ENOX1: variants seen among roughly 807,000 people sequenced by gnomAD.
The protein encoded by ENOX1 is candidate growth-related and time keeping constitutive hydroquinone (NADH) oxidase.
Under a neutral mutation model 82.5 loss-of-function variants are expected in ENOX1, and 42 were observed. The observed-to-expected ratio is 0.51, with a 90% CI of 0.40 to 0.66. The LOEUF is 0.66. Ranked by LOEUF, ENOX1 falls within the 30% of genes least tolerant of loss-of-function variation. The probability of loss-of-function intolerance (pLI) is 0.00; values close to 1 mark genes in which losing one functional copy is unlikely to be tolerated. For missense variants in ENOX1, 608 were observed against 811.6 expected, an observed-to-expected ratio of 0.75 and a Z score of 3.05; for synonymous variants, 271 against 282.2, an observed-to-expected ratio of 0.96 and a Z score of 0.40.
chr13:43,486,988 C>T (rs2076447148), intron 2 of ENOX1, among the ~76,000 whole-genome samples: 1 of 152,110 alleles, frequency 6.6e-6, no homozygotes, highest in African/African-American at 2.4e-5. Flanking sequence ...GCCTGGCCAA[C>T]ATGATGAAAC....
At chr13:43,341,388 G>A (rs1390745043) in intron 9 of ENOX1, among the ~76,000 whole-genome samples, 2 of 152,024 alleles carry the variant, frequency 1.3e-5, no homozygotes, top group East Asian at 3.9e-4. Flanking sequence ...CTTGATCCAA[G>A]ACCTATAGGA....
chr13:43,598,193 T>C (rs577154792), intron 2 of ENOX1, among the ~76,000 whole-genome samples: 2 of 131,680 alleles, frequency 1.5e-5, no homozygotes, highest in South Asian at 2.5e-4. Context: ...CACTACAAAA[T>C]AGGCCTTTAA....
intron 10 of ENOX1, among the ~76,000 whole-genome samples, chr13:43,323,993 G>A (rs150613371): frequency 0.011 from 1,644 of 152,326 alleles, 13 homozygotes; most frequent in Non-Finnish European, 0.017. Context: ...GGTCCGAGGT[G>A]GGGTGCAGGG....
chr13:43,307,170 C>CTG (rs2046916416), intron 11 of ENOX1, among the ~76,000 whole-genome samples: 3 of 151,994 alleles, frequency 2.0e-5, no homozygotes, highest in African/African-American at 2.4e-5. Flanking sequence ...CTCCTCCTCC[C>CTG]CACTGTTCTC....
chr13:43,387,601 A>G (rs1015006363), intron 5 of ENOX1, among the ~76,000 whole-genome samples: 1 of 151,984 alleles, frequency 6.6e-6, no homozygotes, highest in African/African-American at 2.4e-5. Context: ...CAGTCATTTA[A>G]AAGTGTTGAA....
intron 1 of ENOX1, among the ~76,000 whole-genome samples, chr13:43,704,441 T>C (rs1281658943): frequency 6.6e-6 from 1 of 151,552 alleles, no homozygotes; most frequent in Non-Finnish European, 1.5e-5. Flanking sequence ...GGAAACCAAA[T>C]GAAGAAGGAA....
chr13:43,742,257 G>A (rs1278559256), intron 1 of ENOX1, among the ~76,000 whole-genome samples: 1 of 152,030 alleles, frequency 6.6e-6, no homozygotes, highest in Non-Finnish European at 1.5e-5. Flanking sequence ...TCGACATGCT[G>A]GTCAGGAAAA....
At chr13:43,705,330 C>CTCTCTCTATATA (rs141765196) in intron 1 of ENOX1, among the ~76,000 whole-genome samples, 45 of 129,850 alleles carry the variant, frequency 3.5e-4, no homozygotes, top group African/African-American at 1.2e-3. Flanking sequence ...CTCTCTCTCT[C>CTCTCTCTATATA]TATATATATA....
rs2045952718 is a variant in ENOX1 at position 43,290,715 on chromosome 13, TG to T, written c.1446+7630del. On this transcript the variant is annotated intron_variant, in intron 12 of 16. Transcript: ENST00000690772. ...TATTCCCATGTAACAAATCTGCACA[TG>T]TACCCTCTGTATCTAAAATAGAAGT... is the stretch of plus-strand genomic sequence containing the variant. Among the ~76,000 whole-genome samples, 3 of 152,298 alleles carry T rather than the reference TG, an allele frequency of 2.0e-5. No homozygotes were observed. The South Asian group carries it at 6.2e-4, about 32-fold the overall frequency.
chr13:43,478,036 T>C (rs865997115), intron 3 of ENOX1, among the ~76,000 whole-genome samples: 9 of 147,224 alleles, frequency 6.1e-5, no homozygotes, highest in African/African-American at 2.2e-4. Flanking sequence ...TTAGGATTAA[T>C]GGCAAGGAGC....
chr13:43,348,168 G>GT (rs2049521525), intron 8 of ENOX1, among the ~76,000 whole-genome samples: 1 of 152,176 alleles, frequency 6.6e-6, no homozygotes, highest in Non-Finnish European at 1.5e-5. Context: ...AAGATTCAGC[G>GT]TAAGTGCCCT....
At chr13:43,713,504 G>A (rs940197525) in intron 1 of ENOX1, among the ~76,000 whole-genome samples, 1 of 152,042 alleles carries the variant, frequency 6.6e-6, no homozygotes, top group Non-Finnish European at 1.5e-5. Flanking sequence ...GTTCCTCCTT[G>A]TACCTCTGGT....
At chr13:43,502,405 T>C (rs1207388540) in intron 2 of ENOX1, among the ~76,000 whole-genome samples, 1 of 151,534 alleles carries the variant, frequency 6.6e-6, no homozygotes, top group African/African-American at 2.4e-5. Context: ...AAAGATTCCA[T>C]GAGAAAAGAA....
chr13:43,258,522 C>T (rs2043878269), intron 14 of ENOX1, among the ~76,000 whole-genome samples: 1 of 152,108 alleles, frequency 6.6e-6, no homozygotes, highest in African/African-American at 2.4e-5. Flanking sequence ...GGGAGAAGAG[C>T]AAGTTCTGGG....
chr13:43,759,097 CTTT>C (rs3044251), intron 1 of ENOX1, among the ~76,000 whole-genome samples: 4 of 122,444 alleles, frequency 3.3e-5, no homozygotes, highest in Admixed American at 9.1e-5. Flanking sequence ...TGATAAGTTT[CTTT>C]TTTTTTTTTT....
intron 9 of ENOX1, among the ~76,000 whole-genome samples, chr13:43,341,475 T>A (rs2049056425): frequency 6.6e-6 from 1 of 151,452 alleles, no homozygotes; most frequent in African/African-American, 2.4e-5. Flanking sequence ...AGCCGAGTGG[T>A]GGAAGGTGGT....
chr13:43,330,465 T>C (rs2048354423), intron 9 of ENOX1, among the ~76,000 whole-genome samples: 1 of 152,178 alleles, frequency 6.6e-6, no homozygotes, highest in African/African-American at 2.4e-5. Context: ...TAAAGGGAAT[T>C]TTTTTTCTTT....
In ENOX1 at chr13:43,558,964, C is replaced by A. The variant is rs549285420; in HGVS notation, c.-218-74812G>T. On this transcript the variant is annotated intron_variant, in intron 2 of 16. Coordinates refer to ENST00000690772, the MANE Select transcript of ENOX1 (RefSeq NM_001347969.2). ...ACAAAACAATATGAGGAAAGTTTTT[C>A]TGTTTTCCTCAGTCTCCCAATTCCT... Among the ~76,000 whole-genome samples, 3 of 152,322 alleles carry A rather than the reference C, an allele frequency of 2.0e-5. No individual in the cohort carries two copies. In the East Asian group the frequency reaches 5.8e-4, roughly 29 times the overall value.
chr13:43,771,800 T>A (rs1325190908), intron 1 of ENOX1, among the ~76,000 whole-genome samples: 1 of 152,008 alleles, frequency 6.6e-6, no homozygotes, highest in Non-Finnish European at 1.5e-5. Context: ...AGTCTCGCTC[T>A]GTCGCCCAGG....
Sources: allele counts gnomAD v4.1 joint callset (sites outside exome capture counted in the v4.1 genomes callset), GRCh38; gene constraint gnomAD v4.1.1; transcripts MANE v1.5; gene names NCBI Gene and HGNC (gene_info 2026-07-23, HGNC 2026-07-21).